Variants in ENTREP2 observed in about 807,000 individuals in gnomAD.
ENTREP2 encodes the protein endosomal transmembrane epsin interactor 2.
chr15:29,410,551 C>A, the ENTREP2 span, among the ~76,000 whole-genome samples: 1 of 152,102 alleles, frequency 6.6e-6, no homozygotes, highest in African/African-American at 2.4e-5. Context: ...CCGTAGCCAA[C>A]TGGGTAACAC....
the ENTREP2 span, among the ~76,000 whole-genome samples, chr15:29,672,394 T>A: frequency 6.6e-6 from 1 of 152,222 alleles, no homozygotes; most frequent in Admixed American, 6.5e-5. Context: ...AATTTTCAAA[T>A]GGGTCCTTGA....
chr15:29,137,417 C>T, the ENTREP2 span, among the ~76,000 whole-genome samples: 2 of 152,172 alleles, frequency 1.3e-5, no homozygotes, highest in Non-Finnish European at 2.9e-5. Flanking sequence ...ATACAGAATG[C>T]CTCTTTTTAA....
chr15:29,638,846 C>T, the ENTREP2 span, among the ~76,000 whole-genome samples: 8 of 152,316 alleles, frequency 5.3e-5, no homozygotes, highest in East Asian at 7.7e-4. Flanking sequence ...ATTGCCTTGT[C>T]GATTCTCCTT....
chr15:29,626,578 T>C, the ENTREP2 span, among the ~76,000 whole-genome samples: 5 of 152,238 alleles, frequency 3.3e-5, no homozygotes, highest in African/African-American at 1.2e-4. Flanking sequence ...AACAGACTAA[T>C]ACAGTATCTT....
chr15:29,645,839 G>A, the ENTREP2 span, among the ~76,000 whole-genome samples: 15 of 152,232 alleles, frequency 9.9e-5, no homozygotes, highest in South Asian at 1.7e-3. Flanking sequence ...GATTACAGGC[G>A]TGAGCCACTG....
At chr15:29,192,367 A>G in the ENTREP2 span, among the ~76,000 whole-genome samples, 1 of 152,214 alleles carries the variant, frequency 6.6e-6, no homozygotes, top group Non-Finnish European at 1.5e-5. Context: ...ATGATGTAGA[A>G]CATTATTCCA....
the ENTREP2 span, among the ~76,000 whole-genome samples, chr15:29,451,605 C>G: frequency 6.6e-6 from 1 of 152,202 alleles, no homozygotes; most frequent in African/African-American, 2.4e-5. Flanking sequence ...AAGGATGGTT[C>G]AAGAACAGCC....
chr15:29,217,204 C>A, the ENTREP2 span, among the ~76,000 whole-genome samples: 1 of 152,148 alleles, frequency 6.6e-6, no homozygotes, highest in Non-Finnish European at 1.5e-5. Flanking sequence ...AGTATCTTAT[C>A]AGTTAATTGC....
chr15:29,393,353 C>G, the ENTREP2 span, among the ~76,000 whole-genome samples: 14 of 152,216 alleles, frequency 9.2e-5, no homozygotes, highest in African/African-American at 3.4e-4. Context: ...CCTCAGCTCA[C>G]AGCACAGTAG....
chr15:29,399,968 G>A, the ENTREP2 span, among the ~76,000 whole-genome samples: 1 of 152,136 alleles, frequency 6.6e-6, no homozygotes, highest in East Asian at 1.9e-4. Flanking sequence ...GGCAGAGGTG[G>A]AAGAAAATCC....
chr15:29,255,602 C>T, the ENTREP2 span, among the ~76,000 whole-genome samples: 6 of 152,052 alleles, frequency 3.9e-5, no homozygotes, highest in Non-Finnish European at 1.5e-5. Context: ...GCATTATTCA[C>T]AATAGCAAAG....
At chr15:29,451,983 T>C in the ENTREP2 span, among the ~76,000 whole-genome samples, 3 of 152,262 alleles carry the variant, frequency 2.0e-5, no homozygotes, top group Non-Finnish European at 4.4e-5. Context: ...ACTAAAGGGT[T>C]TTAAAACCTT....
chr15:29,287,250 AG>A, the ENTREP2 span, among the ~76,000 whole-genome samples: 1 of 152,188 alleles, frequency 6.6e-6, no homozygotes. Flanking sequence ...TTTGGGATAA[AG>A]TCACTTTCCT....
the ENTREP2 span, among the ~76,000 whole-genome samples, chr15:29,274,168 A>G: frequency 1.3e-5 from 2 of 152,212 alleles, no homozygotes; most frequent in East Asian, 3.8e-4. Flanking sequence ...CTCCACAGAC[A>G]AGGGGGGACT....
the ENTREP2 span, among the ~76,000 whole-genome samples, chr15:29,547,925 T>C: frequency 6.6e-6 from 1 of 152,174 alleles, no homozygotes; most frequent in African/African-American, 2.4e-5. Flanking sequence ...TTCTGATACA[T>C]GCTAAACATG....
At chr15:29,440,503 A>G in the ENTREP2 span, among the ~76,000 whole-genome samples, 3 of 152,234 alleles carry the variant, frequency 2.0e-5, no homozygotes, top group South Asian at 2.1e-4. Flanking sequence ...TTCCAACATT[A>G]GCATGAAGAA....
chr15:29,226,413 G>T, the ENTREP2 span, among the ~76,000 whole-genome samples: 4 of 152,132 alleles, frequency 2.6e-5, no homozygotes, highest in African/African-American at 9.7e-5. Flanking sequence ...TCCTACAAAC[G>T]GAAAAATTCT....
the ENTREP2 span, among the ~76,000 whole-genome samples, chr15:29,604,266 G>T: frequency 6.6e-6 from 1 of 152,190 alleles, no homozygotes; most frequent in Admixed American, 6.5e-5. Context: ...ATGGCCACAA[G>T]AATTTTTTAG....
At chr15:29,239,144 C>G in the ENTREP2 span, among the ~76,000 whole-genome samples, 1 of 152,160 alleles carries the variant, frequency 6.6e-6, no homozygotes, top group South Asian at 2.1e-4. Context: ...GGGAGGAAAC[C>G]ATAATCCTTT....
Sources: allele counts gnomAD v4.1 joint callset (sites outside exome capture counted in the v4.1 genomes callset), GRCh38; gene constraint gnomAD v4.1.1; transcripts MANE v1.5; gene names NCBI Gene and HGNC (gene_info 2026-07-23, HGNC 2026-07-21).